Variants in CCSER1 observed in about 807,000 individuals in gnomAD.
CCSER1 encodes coiled-coil serine rich protein 1, also known as serine-rich coiled-coil domain-containing protein 1.
CCSER1 carries 41 observed loss-of-function variants against 82.0 expected under a neutral mutation model. The ratio of observed to expected loss-of-function variants is 0.50; its 90% CI spans 0.39 to 0.65. The LOEUF is 0.65. CCSER1 is among the 30% of genes least tolerant of loss of function. The pLI is 0.00. For missense variants in CCSER1, 1,119 were observed against 1,064.2 expected, an observed-to-expected ratio of 1.05 and a Z score of -0.72; for synonymous variants, 414 against 383.9, an observed-to-expected ratio of 1.08 and a Z score of -0.92.
intron 6 of CCSER1, among the ~76,000 whole-genome samples, chr4:90,653,123 G>C (rs1378365563): frequency 2.0e-5 from 3 of 151,706 alleles, no homozygotes; most frequent in Admixed American, 2.0e-4. Flanking sequence ...GGTAATAAGA[G>C]TTCCTATTTA....
At chr4:90,644,489 C>T (rs1210126043) in intron 6 of CCSER1, among the ~76,000 whole-genome samples, 1 of 151,580 alleles carries the variant, frequency 6.6e-6, no homozygotes, top group African/African-American at 2.4e-5. Flanking sequence ...TTTTACATTC[C>T]AGGATATATG....
At chr4:90,944,593 T>A (rs1470337503) in intron 9 of CCSER1, among the ~76,000 whole-genome samples, 1 of 152,136 alleles carries the variant, frequency 6.6e-6, no homozygotes, top group Non-Finnish European at 1.5e-5. Flanking sequence ...AGAGAGAGTG[T>A]TTCATTCATG....
At chr4:90,289,929 G>A (rs929483905) in intron 1 of CCSER1, among the ~76,000 whole-genome samples, 9 of 151,554 alleles carry the variant, frequency 5.9e-5, no homozygotes, top group Non-Finnish European at 1.3e-4. Flanking sequence ...TTAAAATACT[G>A]TAGATTGCCC....
chr4:91,275,899 C>T (rs1013380551), intron 10 of CCSER1, among the ~76,000 whole-genome samples: 2 of 152,090 alleles, frequency 1.3e-5, no homozygotes, highest in Admixed American at 6.5e-5. Flanking sequence ...TTACCCAGCA[C>T]CATTTATTGA....
chr4:91,554,550 A>G (rs1055710889), intron 10 of CCSER1, among the ~76,000 whole-genome samples: 2 of 151,348 alleles, frequency 1.3e-5, no homozygotes, highest in Non-Finnish European at 1.5e-5. Context: ...AAATTTAAGA[A>G]GATGTAAATA....
At chr4:91,148,858 C>T (rs1729820788) in intron 10 of CCSER1, among the ~76,000 whole-genome samples, 1 of 152,110 alleles carries the variant, frequency 6.6e-6, no homozygotes, top group African/African-American at 2.4e-5. Flanking sequence ...TGCATATGTG[C>T]CACATTTTCT....
At chr4:90,301,554 C>T (rs1733115060) in intron 1 of CCSER1, among the ~76,000 whole-genome samples, 1 of 152,162 alleles carries the variant, frequency 6.6e-6, no homozygotes, top group South Asian at 2.1e-4. Flanking sequence ...TGTTTATTTA[C>T]ATAGCATTAA....
At chr4:91,096,136 A>G (rs1436582486) in intron 10 of CCSER1, among the ~76,000 whole-genome samples, 1 of 152,170 alleles carries the variant, frequency 6.6e-6, no homozygotes, top group African/African-American at 2.4e-5. Flanking sequence ...TTTCCACTGT[A>G]TGTCCATCCT....
intron 5 of CCSER1, among the ~76,000 whole-genome samples, chr4:90,526,936 G>A (rs894973255): frequency 1.3e-5 from 2 of 152,156 alleles, no homozygotes; most frequent in Admixed American, 1.3e-4. Flanking sequence ...AGATCCTTGA[G>A]GAATCTCCAC....
chr4:90,728,984 A>G (rs891042622), intron 7 of CCSER1, among the ~76,000 whole-genome samples: 3 of 152,212 alleles, frequency 2.0e-5, no homozygotes, highest in African/African-American at 4.8e-5. Flanking sequence ...TGGGGGCATT[A>G]GAAGCAATGC....
chr4:91,079,891 A>G (rs1722501206), intron 9 of CCSER1, among the ~76,000 whole-genome samples: 2 of 152,218 alleles, frequency 1.3e-5, no homozygotes, highest in Admixed American at 1.3e-4. Flanking sequence ...TAGGCACCCA[A>G]TACAGGAGCA....
At chr4:91,153,525 G>A (rs544637545) in intron 10 of CCSER1, among the ~76,000 whole-genome samples, 2 of 152,052 alleles carry the variant, frequency 1.3e-5, no homozygotes, top group South Asian at 4.2e-4. Flanking sequence ...ACTTGTCAAA[G>A]TCATTCTCCA....
intron 4 of CCSER1, among the ~76,000 whole-genome samples, chr4:90,462,707 C>T (rs1393787184): frequency 1.3e-5 from 2 of 152,094 alleles, no homozygotes; most frequent in Admixed American, 6.6e-5. Context: ...TGAATAGCCA[C>T]CAGACTCCAG....
At chr4:91,001,338 G>C (rs770803085) in intron 9 of CCSER1, among the ~76,000 whole-genome samples, 12 of 152,076 alleles carry the variant, frequency 7.9e-5, no homozygotes, top group Non-Finnish European at 1.5e-4. Flanking sequence ...TTTTGCATCT[G>C]TGTTCAATGG....
chr4:91,038,141 T>C (rs1741614070), intron 9 of CCSER1, among the ~76,000 whole-genome samples: 1 of 152,202 alleles, frequency 6.6e-6, no homozygotes, highest in South Asian at 2.1e-4. Context: ...AATGCTAGCA[T>C]TGACATAACA....
At chr4:91,254,095 C>T (rs1740486532) in intron 10 of CCSER1, among the ~76,000 whole-genome samples, 2 of 152,050 alleles carry the variant, frequency 1.3e-5, no homozygotes, top group African/African-American at 2.4e-5. Context: ...GAAACAAAAA[C>T]ACAGAATTTA....
intron 7 of CCSER1, among the ~76,000 whole-genome samples, chr4:90,767,082 G>C (rs1751361729): frequency 6.6e-6 from 1 of 152,102 alleles, no homozygotes; most frequent in African/African-American, 2.4e-5. Flanking sequence ...TTCAAACTTG[G>C]AAACATTTAT....
chr4:90,355,706 TTA>T (rs1744264703), intron 3 of CCSER1, among the ~76,000 whole-genome samples: 1 of 151,966 alleles, frequency 6.6e-6, no homozygotes, highest in Non-Finnish European at 1.5e-5. Context: ...TAATCTGTAA[TTA>T]TATATTTTAC....
chr4:90,803,483 T>C (rs980329331), intron 7 of CCSER1, among the ~76,000 whole-genome samples: 3 of 152,200 alleles, frequency 2.0e-5, no homozygotes, highest in African/African-American at 4.8e-5. Flanking sequence ...GTCCTTGTGA[T>C]AGTTTGCTGA....
Sources: allele counts gnomAD v4.1 joint callset (sites outside exome capture counted in the v4.1 genomes callset), GRCh38; gene constraint gnomAD v4.1.1; transcripts MANE v1.5; gene names NCBI Gene and HGNC (gene_info 2026-07-23, HGNC 2026-07-21).